PCDH11X: variants seen among roughly 807,000 people sequenced by gnomAD.
PCDH11X encodes the protein protocadherin-11 X-linked.
Under a neutral mutation model 53.3 loss-of-function variants are expected in PCDH11X, and 18 were observed. That is an observed-to-expected ratio of 0.34 (90% CI 0.23 to 0.50). The LOEUF (loss-of-function observed/expected upper bound fraction) is 0.50, where lower values mean the gene tolerates loss of function less well. PCDH11X is among the 20% of genes least tolerant of loss of function. PCDH11X has a pLI of 0.98. For synonymous variants in PCDH11X, 279 were observed against 393.3 expected (o/e 0.71, Z 3.44); for missense variants, 570 against 1,032.4 (o/e 0.55, Z 6.14).
At chrX:91,881,533 A>G (rs1939911318) in intron 6 of PCDH11X, among the ~76,000 whole-genome samples, 1 of 111,328 alleles carries the variant, frequency 9.0e-6, no homozygotes, top group African/African-American at 3.2e-5. Context: ...GAATTGGTGA[A>G]CTTAGGCAGA....
intron 8 of PCDH11X, among the ~76,000 whole-genome samples, chrX:92,372,639 G>A (rs2148554484): frequency 9.6e-6 from 1 of 103,931 alleles, no homozygotes; most frequent in East Asian, 3.0e-4. Flanking sequence ...GATCCCCACA[G>A]TCACTGCCCC....
chrX:92,005,646 G>A (rs1237205071), intron 6 of PCDH11X, among the ~76,000 whole-genome samples: 1 of 111,514 alleles, frequency 9.0e-6, no homozygotes, highest in Non-Finnish European at 1.9e-5. Flanking sequence ...ACATGCCACA[G>A]TTAGTTTTAT....
intron 7 of PCDH11X, among the ~76,000 whole-genome samples, chrX:92,217,201 A>T (rs774557575): frequency 7.4e-4 from 82 of 111,066 alleles, no homozygotes; most frequent in African/African-American, 2.6e-3. Context: ...CACACATAAC[A>T]ATATTAACTT....
intron 6 of PCDH11X, among the ~76,000 whole-genome samples, chrX:91,936,468 C>T (rs1048205503): frequency 2.8e-5 from 3 of 108,790 alleles, no homozygotes; most frequent in African/African-American, 1.0e-4. Context: ...ACCCTTACAA[C>T]TTACAATCGT....
chrX:92,534,958 C>T (rs1408647144), intron 10 of PCDH11X, among the ~76,000 whole-genome samples: 5 of 111,315 alleles, frequency 4.5e-5, no homozygotes, highest in South Asian at 3.8e-4. Flanking sequence ...CGTGCCAAAT[C>T]AAAACCACAG....
intron 6 of PCDH11X, among the ~76,000 whole-genome samples, chrX:92,037,509 G>A (rs1417412406): frequency 7.2e-5 from 8 of 111,486 alleles, no homozygotes; most frequent in Admixed American, 3.8e-4. Flanking sequence ...AAATAGTGCT[G>A]CAATAAACAT....
At chrX:92,220,453 C>T (rs1303249387) in intron 7 of PCDH11X, among the ~76,000 whole-genome samples, 1 of 106,987 alleles carries the variant, frequency 9.3e-6, no homozygotes, top group Non-Finnish European at 1.9e-5. Context: ...AAAAAATGCT[C>T]ACCATCACTG....
intron 6 of PCDH11X, among the ~76,000 whole-genome samples, chrX:92,189,604 G>A (rs374918808): frequency 3.6e-5 from 4 of 111,467 alleles, no homozygotes; most frequent in African/African-American, 1.3e-4. Context: ...TGGAGCAAAT[G>A]GTATTTCTGG....
intron 8 of PCDH11X, among the ~76,000 whole-genome samples, chrX:92,304,107 G>A (rs1190234469): frequency 9.5e-6 from 1 of 105,660 alleles, no homozygotes; most frequent in Non-Finnish European, 1.9e-5. Context: ...TGTCTCCCAA[G>A]GGTCATCTAG....
At chrX:92,134,813 CA>C (rs2065057992) in intron 6 of PCDH11X, among the ~76,000 whole-genome samples, 1 of 111,186 alleles carries the variant, frequency 9.0e-6, no homozygotes, top group Non-Finnish European at 1.9e-5. Context: ...TGAGGACAAC[CA>C]GAGGTCACTC....
chrX:92,148,896 T>C (rs1231727229), intron 6 of PCDH11X, among the ~76,000 whole-genome samples: 2 of 110,052 alleles, frequency 1.8e-5, no homozygotes, highest in Non-Finnish European at 3.8e-5. Flanking sequence ...TTTGTTTAGA[T>C]AATTAATGCT....
chrX:92,102,019 A>G (rs2064265346), intron 6 of PCDH11X, among the ~76,000 whole-genome samples: 1 of 111,689 alleles, frequency 9.0e-6, no homozygotes, highest in Admixed American at 9.6e-5. Context: ...GATCAGGGTG[A>G]GGAACAGGAA....
chrX:92,315,640 G>A (rs2069058527), intron 8 of PCDH11X, among the ~76,000 whole-genome samples: 1 of 109,524 alleles, frequency 9.1e-6, no homozygotes. Context: ...GTGCTCAAAC[G>A]ATCCTCAACA....
In PCDH11X at chrX:92,231,457, A is replaced by G. The variant is rs777526671; in HGVS notation, c.3114+30002A>G. 6.3e-5 allele frequency among the ~76,000 whole-genome samples: 7 copies of G among 111,724 alleles called. No individual in the cohort carries two copies. The South Asian group carries it at 2.6e-3, about 42-fold the overall frequency. ...GAAAATTTTCATTTTTTCTATTACT[A>G]TAAACAATTATAACAATGGCATTAA... On this transcript the variant is annotated intron_variant, in intron 7 of 10. Transcript: ENST00000682573.
intron 8 of PCDH11X, among the ~76,000 whole-genome samples, chrX:92,386,339 C>T: frequency 9.0e-6 from 1 of 111,565 alleles, no homozygotes; most frequent in Non-Finnish European, 1.9e-5. Context: ...ATGAAAATGC[C>T]TAGGATGTAA....
At chrX:92,142,358 A>G (rs996534436) in intron 6 of PCDH11X, among the ~76,000 whole-genome samples, 2 of 77,602 alleles carry the variant, frequency 2.6e-5, no homozygotes, top group Non-Finnish European at 4.9e-5. Context: ...TGGTCCATGC[A>G]TGTGCGCGCG....
chrX:91,852,388 T>C (rs1229720233), intron 5 of PCDH11X, among the ~76,000 whole-genome samples: 2 of 107,587 alleles, frequency 1.9e-5, no homozygotes, highest in East Asian at 5.9e-4. Context: ...TAAACAAAAG[T>C]ATGTTTTGTT....
intron 7 of PCDH11X, among the ~76,000 whole-genome samples, chrX:92,229,107 A>G (rs1481631137): frequency 2.7e-5 from 3 of 111,798 alleles, no homozygotes; most frequent in African/African-American, 9.7e-5. Flanking sequence ...GACCAGTGAG[A>G]ATGATGTGGT....
rs756523144 is a variant in PCDH11X, at chrX:92,263,083, CT to C, written c.3115-29del. ...TTTGTTTTTGTTTTATTTTCCTTTG[CT>C]TCCCTTGCCTCCATTTTATCCTAAA... is the stretch of plus-strand genomic sequence containing the variant. On this transcript the variant is annotated intron_variant, in intron 7 of 10. Transcript: ENST00000682573. The C allele has an allele frequency of 7.7e-6, 9 of 1,163,931 alleles. No homozygotes were observed. In the South Asian group the frequency reaches 1.8e-4, roughly 23 times the overall value.
Sources: gnomAD v4.1 joint callset for allele counts (sites outside exome capture counted in the v4.1 genomes callset) on GRCh38, gnomAD v4.1.1 for gene constraint, MANE v1.5 for transcripts, NCBI Gene and HGNC (gene_info 2026-07-23, HGNC 2026-07-21) for gene names.